Variants in INSL6 observed in about 807,000 individuals in gnomAD.
INSL6 encodes insulin like 6.
INSL6 carries 16 observed loss-of-function variants against 9.4 expected under a neutral mutation model. The ratio of observed to expected loss-of-function variants is 1.70; its 90% CI spans 1.15 to 2.59. INSL6 has a LOEUF of 2.59. Among genes scored for constraint, INSL6 ranks in the 30% most tolerant of loss-of-function variants. INSL6 has a pLI of 0.00. For synonymous variants in INSL6, 154 were observed against 96.9 expected, an observed-to-expected ratio of 1.59 and a Z score of -3.46; for missense variants, 391 against 257.3, an observed-to-expected ratio of 1.52 and a Z score of -3.56.
intron 1 of INSL6, among the ~76,000 whole-genome samples, chr9:5,176,181 C>G (rs753861898): frequency 6.6e-6 from 1 of 152,210 alleles, no homozygotes; most frequent in African/African-American, 2.4e-5. Context: ...GGCCTCTGCT[C>G]CACTATTTCC....
chr9:5,042,124 CTTT>C, the INSL6 span, among the ~76,000 whole-genome samples: 1 of 107,608 alleles, frequency 9.3e-6, no homozygotes, highest in African/African-American at 3.8e-5. Flanking sequence ...GCCAAAATTT[CTTT>C]TTTTTTTTTT....
chr9:5,175,577 A>G (rs992829280), intron 1 of INSL6, among the ~76,000 whole-genome samples: 1 of 152,188 alleles, frequency 6.6e-6, no homozygotes, highest in Non-Finnish European at 1.5e-5. Context: ...ACCAGGCCAC[A>G]TGGCAGGAGG....
At chr9:5,014,731 T>C in the INSL6 span, among the ~76,000 whole-genome samples, 4 of 152,208 alleles carry the variant, frequency 2.6e-5, no homozygotes, top group South Asian at 8.3e-4. Context: ...AAAACTAGAA[T>C]AGATGTAACT....
intron 1 of INSL6, among the ~76,000 whole-genome samples, chr9:5,174,644 T>G (rs1486457825): frequency 2.0e-5 from 3 of 152,212 alleles, no homozygotes; most frequent in Non-Finnish European, 4.4e-5. Flanking sequence ...CCTCTAGTCT[T>G]ACAGCTCAAA....
At chr9:5,078,204 A>T in the INSL6 span, 1 of 894,624 alleles carries the variant, frequency 1.1e-6, no homozygotes, top group Non-Finnish European at 1.7e-6. Context: ...TTATACTATC[A>T]TGTATTTTTC....
At chr9:5,154,803 A>G (rs1040991836) in intron 2 of INSL6, among the ~76,000 whole-genome samples, 3 of 152,228 alleles carry the variant, frequency 2.0e-5, no homozygotes, top group Non-Finnish European at 4.4e-5. Context: ...TAGAATGGCA[A>G]TCATTCAAAA....
intron 3 of INSL6, among the ~76,000 whole-genome samples, chr9:5,133,160 T>C (rs1336283970): frequency 6.6e-6 from 1 of 150,434 alleles, no homozygotes; most frequent in East Asian, 1.9e-4. Context: ...GCAGTGATAT[T>C]AGAGTGTCAT....
At chr9:5,017,535 C>T in the INSL6 span, among the ~76,000 whole-genome samples, 1 of 151,854 alleles carries the variant, frequency 6.6e-6, no homozygotes, top group African/African-American at 2.4e-5. Flanking sequence ...TAGCTTTGGG[C>T]TTTGTTCTTC....
chr9:5,004,321 T>A, the INSL6 span, among the ~76,000 whole-genome samples: 1 of 152,220 alleles, frequency 6.6e-6, no homozygotes, highest in East Asian at 1.9e-4. Context: ...ACTGCTGTTC[T>A]ACTTACTCTC....
rs930893410 is a variant in INSL6, at chr9:5,133,707, C to G, written c.377-115G>C. On this transcript the variant is annotated intron_variant, in intron 2 of 3. Transcript: ENST00000649639. ...CACCCAAAGGTCACCAACATGAAGA[C>G]CAAAGGTAGATAAATCCACTAAGAT... is the stretch of plus-strand genomic sequence containing the variant. 1.8e-4 allele frequency: 27 copies of G among 151,932 alleles called. 1 individual carries two copies. Among genetic ancestry groups the G allele is most frequent in the African/African-American group, 5.8e-4 (24 of 41,224 alleles). The allele number at this position is 151,932 out of a possible 1,614,324, so 9.4% of individuals were successfully genotyped here.
chr9:5,035,105 C>A, the INSL6 span, among the ~76,000 whole-genome samples: 1 of 152,204 alleles, frequency 6.6e-6, no homozygotes, highest in Non-Finnish European at 1.5e-5. Context: ...CTATAAACAC[C>A]TCTACATGAA....
At chr9:5,089,737 G>C in the INSL6 span, 4 of 1,581,908 alleles carry the variant, frequency 2.5e-6, no homozygotes, top group Non-Finnish European at 3.4e-6. Context: ...TGGGGAGGTG[G>C]TCGCTGTAAA....
At chr9:5,030,233 G>A in the INSL6 span, among the ~76,000 whole-genome samples, 18 of 152,210 alleles carry the variant, frequency 1.2e-4, no homozygotes, top group East Asian at 3.1e-3. Flanking sequence ...TTTGTGCAGC[G>A]TTTTGTGCAA....
chr9:5,126,253 C>G, intron 3 of INSL6: 1 of 940,458 alleles, frequency 1.1e-6, no homozygotes, highest in East Asian at 2.6e-5. Flanking sequence ...TAAATTTTTT[C>G]CCATTGACTG....
At chr9:5,060,329 A>G in the INSL6 span, among the ~76,000 whole-genome samples, 1 of 152,106 alleles carries the variant, frequency 6.6e-6, no homozygotes, top group Admixed American at 6.6e-5. Context: ...TAGACTCTTC[A>G]TTTCGTTAAA....
chr9:5,164,223 T>C lies in INSL6; in HGVS notation c.332A>G (p.Gln111Arg). Reference protein sequence around the residue: ...WEEAVNSWEMQSLPEYKDKKG... With the variant: ...WEEAVNSWEMRSLPEYKDKKG... The stretch of plus-strand genomic sequence containing the variant: ...TTTATCCTTATACTCAGGTAGTGAC[T>C]GCATTTCCCAACTGTTTACTGCTTC... Residue 111 changes from glutamine (Q) to arginine (R), a missense_variant, in exon 2 of 2, where the codon CAG (glutamine) becomes CGG (arginine). By Grantham distance (43) the Gln-to-Arg change is conservative. Coordinates refer to ENST00000381641, the MANE Select transcript of INSL6 (RefSeq NM_007179.3). 1.2e-6 allele frequency: 2 copies of C among 1,606,724 alleles called. No homozygotes were observed. The highest frequency in any genetic ancestry group is 1.7e-6 in the Non-Finnish European group (2 of 1,177,562).
intron 1 of INSL6, among the ~76,000 whole-genome samples, chr9:5,174,815 T>A (rs1183973663): frequency 6.6e-6 from 1 of 152,198 alleles, no homozygotes; most frequent in Non-Finnish European, 1.5e-5. Context: ...TGTCCAAAAC[T>A]GAACTACTGA....
chr9:5,098,155 A>G, the INSL6 span: 2 of 152,210 alleles, frequency 1.3e-5, no homozygotes. Flanking sequence ...ATGGCTGTCC[A>G]CCACCTTACC....
chr9:5,002,349 G>A, the INSL6 span, among the ~76,000 whole-genome samples: 2 of 151,620 alleles, frequency 1.3e-5, no homozygotes, highest in Non-Finnish European at 3.0e-5. Context: ...TATCATTCAG[G>A]TGAAAATAAT....
Sources: gnomAD v4.1 joint callset for allele counts (sites outside exome capture counted in the v4.1 genomes callset) on GRCh38, gnomAD v4.1.1 for gene constraint, MANE v1.5 for transcripts, NCBI Gene and HGNC (gene_info 2026-07-23, HGNC 2026-07-21) for gene names.